The following EFHB variants were observed in gnomAD, a reference collection of about 807,000 sequenced individuals.
EFHB encodes EF-hand domain-containing family member B.
Under a neutral mutation model 87.2 loss-of-function variants are expected in EFHB, and 91 were observed. That is an observed-to-expected ratio of 1.04 (90% confidence interval 0.88 to 1.24). The LOEUF (loss-of-function observed/expected upper bound fraction) is 1.24. Ranked by LOEUF, EFHB falls within the 50% of genes most tolerant of loss-of-function variation. The pLI is 0.00. For synonymous variants in EFHB, 325 were observed against 333.6 expected (o/e 0.97, Z 0.28); for missense variants, 1,084 against 998.8 (o/e 1.09, Z -1.15).
intron 1 of EFHB, among the ~76,000 whole-genome samples, chr3:19,924,219 T>C (rs1695538353): frequency 6.7e-6 from 1 of 150,226 alleles, no homozygotes; most frequent in Non-Finnish European, 1.5e-5. Context: ...TCTCTCTCTT[T>C]TTTTTTTTTT....
At chr3:19,933,134 T>C in intron 1 of EFHB, 96 bp downstream of exon 1, 3 of 1,379,504 alleles carry the variant, frequency 2.2e-6, no homozygotes, top group Non-Finnish European at 9.6e-7. Context: ...TTGTGATTTG[T>C]CTCTTCAAAC....
In EFHB at chr3:19,896,754, T is replaced by G. The variant is rs753075210; in HGVS notation, c.1658A>C (p.His553Pro). 9.9e-6 allele frequency: 16 copies of G among 1,613,880 alleles called. No homozygotes were observed. The South Asian group carries it at 1.5e-4, about 16-fold the overall frequency. The part of the protein sequence containing the change: ...RQRALIAAVR[H>P]HLKKVNYQKF... ...TTGGTAATTAACTTTCTTCAGGTGA[T>G]GCCGAACTGCTGCAATCAGGGCTCG... The change falls in exon 9 of 13, where the codon CAT becomes CCT. Residue 553 changes from histidine (H) to proline (P), a missense_variant. By Grantham distance (77) the His-to-Pro change is moderately conservative. Coordinates refer to ENST00000295824, the MANE Select transcript of EFHB (RefSeq NM_144715.4).
At chr3:19,915,728 T>A (rs1695206385) in intron 4 of EFHB, among the ~76,000 whole-genome samples, 1 of 149,868 alleles carries the variant, frequency 6.7e-6, no homozygotes. Flanking sequence ...GAGATCAGCC[T>A]GGCCAACATG....
In EFHB at chr3:19,896,543, G is replaced by A. The variant is rs570375362; in HGVS notation, c.1725+144C>T. 117 of 1,079,762 alleles carry A rather than the reference G, an allele frequency of 1.1e-4. No homozygotes were observed. The African/African-American group carries it at 1.6e-3, about 14-fold the overall frequency. 66.9% of individuals were successfully genotyped at this position (1,079,762 alleles called of 1,614,324 possible). On this transcript the variant is annotated intron_variant, in intron 9 of 12. Coordinates refer to ENST00000295824, the MANE Select transcript of EFHB (RefSeq NM_144715.4). ...TACTGAAAACAACACAGGCGTGATT[G>A]TGTTCCAGTAAAACTTTACTGACAC...
At chr3:19,894,870 G>C (rs987388834) in intron 9 of EFHB, 2 of 151,874 alleles carry the variant, frequency 1.3e-5, no homozygotes, top group African/African-American at 4.8e-5. Context: ...TGTAATCCCA[G>C]CTACTTGGGA....
chr3:19,900,953 A>G (rs9840728), intron 6 of EFHB, among the ~76,000 whole-genome samples: 1 of 151,902 alleles, frequency 6.6e-6, no homozygotes, highest in Non-Finnish European at 1.5e-5. Flanking sequence ...TAGAAAAGTT[A>G]TATGTATAAA....
chr3:19,896,402 C>T, intron 9 of EFHB: 1 of 439,924 alleles, frequency 2.3e-6, no homozygotes, highest in South Asian at 2.1e-5. Flanking sequence ...CAAAAGGGGT[C>T]AGCAAATGTC....
Position 19,939,375 on chromosome 3 carries a change from T to C in EFHB, c.-31-3041A>G, listed in dbSNP as rs1418771862. On this transcript the variant is annotated intron_variant, in intron 1 of 14. Transcript: ENST00000344838. ...CTCAAACTGGGTTGGGTCTCCTTTT[T>C]TTTTTTTTTTTTTTTTTTTTTTTTT... Among the ~76,000 whole-genome samples, 50 of 79,804 alleles carry C rather than the reference T, an allele frequency of 6.3e-4. 3 individuals carry two copies. The highest frequency in any genetic ancestry group is 2.2e-3 in the African/African-American group (46 of 21,350). The allele number at this position is 79,804 out of a possible 152,430, so 52.4% of individuals were successfully genotyped here.
At position 19,915,978 on chromosome 3, in the gene EFHB, CA is replaced by C. The variant is rs936306791; in HGVS notation, c.1178-566del. Among the ~76,000 whole-genome samples the C allele has an allele frequency of 6.7e-5, 10 of 149,908 alleles. No individual in the cohort carries two copies. The Middle Eastern group carries it at 0.01, about 153-fold the overall frequency. On this transcript the variant is annotated intron_variant, in intron 4 of 12. Coordinates refer to ENST00000295824, the MANE Select transcript of EFHB (RefSeq NM_144715.4). ...GGGCAACAGAGCGAAACTTTCATCT[CA>C]AAAAAAAACTATATTATCAGTTAAC...
intron 10 of EFHB, among the ~76,000 whole-genome samples, chr3:19,887,283 G>A (rs182032435): frequency 2.6e-5 from 4 of 151,586 alleles, no homozygotes; most frequent in Non-Finnish European, 4.4e-5. Flanking sequence ...TACTCTGGAG[G>A]CTGAGGCACG....
intron 6 of EFHB, among the ~76,000 whole-genome samples, chr3:19,904,789 A>G (rs1173798516): frequency 6.6e-6 from 1 of 152,196 alleles, no homozygotes; most frequent in Non-Finnish European, 1.5e-5. Context: ...GGCCATCAGG[A>G]CATAGACATA....
At chr3:19,912,172 C>T (rs563748650) in intron 5 of EFHB, among the ~76,000 whole-genome samples, 54 of 151,980 alleles carry the variant, frequency 3.6e-4, no homozygotes, top group Non-Finnish European at 6.3e-4. Flanking sequence ...TCCCAAAGGT[C>T]AAGGATGAAG....
At chr3:19,920,361 T>C (rs981806233) in intron 2 of EFHB, 144 bp downstream of exon 2, 17 of 678,340 alleles carry the variant, frequency 2.5e-5, no homozygotes, top group Non-Finnish European at 3.6e-5. Flanking sequence ...ACAAAATCAA[T>C]AGAAGGCCTC....
chr3:19,922,118 C>T (rs942956205), intron 1 of EFHB, among the ~76,000 whole-genome samples: 5 of 151,936 alleles, frequency 3.3e-5, no homozygotes, highest in Admixed American at 1.3e-4. Flanking sequence ...TGAGCCGAGG[C>T]CATGCCATTG....
At chr3:19,937,297 A>G (rs1575056035), upstream of EFHB, among the ~76,000 whole-genome samples, 2 of 152,212 alleles carry the variant, frequency 1.3e-5, no homozygotes, top group Non-Finnish European at 2.9e-5. Context: ...TCCATTTGCA[A>G]TACAGTGTTT....
At position 19,922,496 on chromosome 3, in the gene EFHB, G is replaced by T. The variant is rs908660806; in HGVS notation, c.790-1929C>A. Among the ~76,000 whole-genome samples the T allele has an allele frequency of 2.0e-5, 3 of 152,262 alleles. No individual in the cohort carries two copies. In the South Asian group the frequency reaches 6.2e-4, roughly 32 times the overall value. ...AACATCAAACCCAAGGTAAGGTAGC[G>T]GGGCATTAATAGGAGCATTAATAAG... On this transcript the variant is annotated intron_variant, in intron 1 of 12. Transcript: ENST00000295824.
intron 9 of EFHB, chr3:19,894,989 A>AAAAAATATATATATATATATATAT (rs369564576): frequency 1.8e-4 from 26 of 144,504 alleles, no homozygotes; most frequent in Middle Eastern, 3.5e-3. Flanking sequence ...TGTCTCAAAA[A>AAAAAATATATATATATATATATAT]ATATATATAT....
chr3:19,941,126 C>A (rs1696147894), intron 1 of EFHB: 1 of 378,428 alleles, frequency 2.6e-6, no homozygotes, highest in South Asian at 3.8e-5. Context: ...TTGAAAAAGT[C>A]TTGGAGAAGC....
intron 11 of EFHB, among the ~76,000 whole-genome samples, chr3:19,883,711 G>C (rs1322980092): frequency 6.6e-6 from 1 of 152,142 alleles, no homozygotes; most frequent in African/African-American, 2.4e-5. Context: ...AATATGGCTA[G>C]AGTTCTTGTA....
Sources: gnomAD v4.1 joint callset for allele counts (sites outside exome capture counted in the v4.1 genomes callset) on GRCh38, gnomAD v4.1.1 for gene constraint, MANE v1.5 for transcripts, NCBI Gene and HGNC (gene_info 2026-07-23, HGNC 2026-07-21) for gene names.